WLS: variants seen among roughly 807,000 people sequenced by gnomAD.
The protein encoded by WLS is protein wntless homolog.
In WLS, 23 loss-of-function variants were observed where a neutral mutation model predicts 62.8. The observed-to-expected ratio is 0.37, with a 90% confidence interval of 0.26 to 0.52. The LOEUF is 0.52. Ranked by LOEUF, WLS falls within the 20% of genes least tolerant of loss-of-function variation. WLS has a pLI of 0.92. For missense variants in WLS, 615 were observed against 697.3 expected (o/e 0.88, Z 1.33); for synonymous variants, 246 against 244.1 (o/e 1.01, Z -0.07).
chr1:68,102,915 T>A (rs886790726), intron 11 of WLS, among the ~76,000 whole-genome samples: 15 of 152,180 alleles, frequency 9.9e-5, no homozygotes, highest in African/African-American at 3.6e-4. Context: ...TGCCTTCGAT[T>A]GTTTTGTGCC....
At chr1:68,131,171 A>G (rs906320280) in intron 11 of WLS, among the ~76,000 whole-genome samples, 2 of 151,096 alleles carry the variant, frequency 1.3e-5, no homozygotes, top group African/African-American at 4.9e-5. Flanking sequence ...TTGGACTCCC[A>G]AAGTGCTGGG....
At chr1:68,127,151 C>A in intron 11 of WLS, 1 of 363,374 alleles carries the variant, frequency 2.8e-6, no homozygotes, top group Non-Finnish European at 5.5e-6. Flanking sequence ...GCTATGATTG[C>A]ACCACTCACT....
chr1:68,183,618 G>T (rs182571387), intron 2 of WLS: 9 of 459,564 alleles, frequency 2.0e-5, no homozygotes, highest in Non-Finnish European at 3.9e-5. Flanking sequence ...GATAATGTGA[G>T]GGGTGAATTT....
chr1:68,101,107 C>T (rs532390136), intron 11 of WLS, among the ~76,000 whole-genome samples: 57 of 152,252 alleles, frequency 3.7e-4, no homozygotes, highest in African/African-American at 1.3e-3. Flanking sequence ...TCAGGATGGC[C>T]ACCTGCAGGC....
chr1:68,178,358 T>C (rs544141500), intron 2 of WLS, among the ~76,000 whole-genome samples: 2 of 152,202 alleles, frequency 1.3e-5, no homozygotes, highest in Non-Finnish European at 2.9e-5. Context: ...GTGCCTGGAA[T>C]TGTGCTAAGG....
chr1:68,232,330 GAAAT>G lies in WLS; in HGVS notation c.-35_-32del. ...CGCCCCCCCTTTTTCTTTTCTCCTT[GAAAT>G]AAATGTTTTAGGGTGAGCTTTTTGC... On this transcript the variant is annotated 5_prime_UTR_variant, in exon 1 of 12. Transcript: ENST00000262348. 3.1e-6 allele frequency: 5 copies of G among 1,611,288 alleles called. No individual in the cohort carries two copies. The highest frequency in any genetic ancestry group is 4.2e-6 in the Non-Finnish European group (5 of 1,178,788).
intron 2 of WLS, among the ~76,000 whole-genome samples, chr1:68,167,197 A>C (rs1346970602): frequency 6.6e-6 from 1 of 152,224 alleles, no homozygotes; most frequent in Non-Finnish European, 1.5e-5. Flanking sequence ...TTGACATTTT[A>C]TTAGGGAAGT....
intron 11 of WLS, among the ~76,000 whole-genome samples, chr1:68,113,482 CAG>C (rs1198611149): frequency 6.6e-6 from 1 of 152,164 alleles, no homozygotes; most frequent in African/African-American, 2.4e-5. Context: ...ACAAAACAGA[CAG>C]AAATTCTGCC....
rs567634434 is a variant in WLS at position 68,131,945 on chromosome 1, C to A, written c.1517-5610G>T. Among the ~76,000 whole-genome samples, 71 of 152,240 alleles carry A rather than the reference C, an allele frequency of 4.7e-4. 1 individual carries two copies. Among genetic ancestry groups the A allele is most frequent in the African/African-American group, 1.7e-3 (69 of 41,558 alleles). The stretch of plus-strand genomic sequence containing the variant: ...CAGACAGAGAGGTCTCGGAAGAAAC[C>A]CACGTTGGTGATACCTTAATATCAG... On this transcript the variant is annotated intron_variant, in intron 11 of 11. Transcript: ENST00000262348.
At chr1:68,133,500 T>C (rs1646561431) in intron 11 of WLS, among the ~76,000 whole-genome samples, 1 of 152,032 alleles carries the variant, frequency 6.6e-6, no homozygotes, top group African/African-American at 2.4e-5. Flanking sequence ...GAGCTTCACT[T>C]CACTCCATCT....
intron 11 of WLS, among the ~76,000 whole-genome samples, chr1:68,102,921 G>A (rs191855627): frequency 5.1e-4 from 78 of 152,236 alleles, no homozygotes; most frequent in African/African-American, 1.8e-3. Flanking sequence ...CGATTGTTTT[G>A]TGCCTAATGT....
At chr1:68,193,057 C>T (rs531041006) in intron 2 of WLS, among the ~76,000 whole-genome samples, 8 of 149,340 alleles carry the variant, frequency 5.4e-5, no homozygotes, top group South Asian at 2.1e-4. Flanking sequence ...TGCAGTAAGC[C>T]GAGATTGAGC....
At chr1:68,206,933 C>T (rs564213126) in intron 1 of WLS, among the ~76,000 whole-genome samples, 2 of 152,122 alleles carry the variant, frequency 1.3e-5, no homozygotes, top group South Asian at 4.1e-4. Flanking sequence ...TATCAGGCCC[C>T]TCCTCCCCCT....
At chr1:68,156,055 T>C (rs1384263844) in intron 3 of WLS, among the ~76,000 whole-genome samples, 1 of 152,090 alleles carries the variant, frequency 6.6e-6, no homozygotes, top group African/African-American at 2.4e-5. Context: ...AATTGGACAG[T>C]AGGGAGACAC....
exon 12 of WLS, chr1:68,098,522 A>G (rs1344076500): frequency 1.4e-6 from 2 of 1,473,170 alleles, no homozygotes; most frequent in Non-Finnish European, 1.8e-6. Flanking sequence ...TATATTTAAC[A>G]TTTTGAGATA....
At chr1:68,170,290 T>C (rs1647132367) in intron 2 of WLS, among the ~76,000 whole-genome samples, 2 of 151,532 alleles carry the variant, frequency 1.3e-5, no homozygotes, top group South Asian at 4.2e-4. Flanking sequence ...CTCAGCCTCC[T>C]GAGTAACTGG....
At chr1:68,157,608 C>T (rs1646917615) in intron 3 of WLS, among the ~76,000 whole-genome samples, 1 of 151,748 alleles carries the variant, frequency 6.6e-6, no homozygotes. Flanking sequence ...CACAATCCAC[C>T]AGGGACTCAA....
rs775290235 is a variant in WLS, at chr1:68,127,674, TATG to T, written c.1517-1342_1517-1340del. ...TGATTTTTATATTGTGCACATATCA[TATG>T]ATAAGTTTTCTGGAACTGAAGTTTT... On this transcript the variant is annotated intron_variant, in intron 11 of 11. Coordinates refer to ENST00000262348, the MANE Select transcript of WLS (RefSeq NM_024911.7). Among the ~76,000 whole-genome samples, 105 of 152,322 alleles carry T rather than the reference TATG, an allele frequency of 6.9e-4. 1 individual carries two copies. Among genetic ancestry groups the T allele is most frequent in the African/African-American group, 1.7e-3 (71 of 41,568 alleles).
At chr1:68,205,246 G>A (rs1248155281) in intron 1 of WLS, among the ~76,000 whole-genome samples, 1 of 152,106 alleles carries the variant, frequency 6.6e-6, no homozygotes, top group Non-Finnish European at 1.5e-5. Context: ...ACTTATGACG[G>A]TTCTTCCAGA....
Sources: allele counts gnomAD v4.1 joint callset (sites outside exome capture counted in the v4.1 genomes callset), GRCh38; gene constraint gnomAD v4.1.1; transcripts MANE v1.5; gene names NCBI Gene and HGNC (gene_info 2026-07-23, HGNC 2026-07-21).